CNKSR2: variants seen among roughly 807,000 people sequenced by gnomAD.
The protein encoded by CNKSR2 is CNK homolog protein 2.
A neutral mutation model predicts 84.4 loss-of-function variants in CNKSR2; 14 were observed. The ratio of observed to expected loss-of-function variants is 0.17; its 90% confidence interval spans 0.11 to 0.26. The LOEUF (loss-of-function observed/expected upper bound fraction) is 0.26. CNKSR2 is among the 10% of genes least tolerant of loss of function. CNKSR2 has a pLI of 1.00. For synonymous variants in CNKSR2, 275 were observed against 277.9 expected, an observed-to-expected ratio of 0.99 and a Z score of 0.10; for missense variants, 485 against 771.2, an observed-to-expected ratio of 0.63 and a Z score of 4.40.
chrX:21,481,686 CTTTAAAACAAGA>C (rs775163627), intron 5 of CNKSR2, among the ~76,000 whole-genome samples: 1 of 111,604 alleles, frequency 9.0e-6, no homozygotes, highest in East Asian at 2.8e-4. Flanking sequence ...CATGTGAGCC[CTTTAAAACAAGA>C]TTCAAAGGAG....
chrX:21,439,331 C>G (rs1349442782), intron 3 of CNKSR2, among the ~76,000 whole-genome samples: 1 of 110,979 alleles, frequency 9.0e-6, no homozygotes, highest in Non-Finnish European at 1.9e-5. Context: ...AAGACCAAAT[C>G]ATAATTTGTG....
intron 1 of CNKSR2, among the ~76,000 whole-genome samples, chrX:21,416,678 G>T (rs980048371): frequency 3.1e-4 from 34 of 111,182 alleles, no homozygotes; most frequent in African/African-American, 1.0e-3. Flanking sequence ...TTTTTGTCTA[G>T]AAATTTGCTC....
At chrX:21,416,219 A>T (rs891535019) in intron 1 of CNKSR2, among the ~76,000 whole-genome samples, 4 of 111,951 alleles carry the variant, frequency 3.6e-5, no homozygotes, top group Non-Finnish European at 7.5e-5. Context: ...TTTGTTCGTT[A>T]TTCTGTAGAT....
chrX:21,641,678 A>G (rs1423932795), intron 20 of CNKSR2: 8 of 1,109,968 alleles, frequency 7.2e-6, no homozygotes, highest in East Asian at 3.4e-5. Flanking sequence ...CAGACTCAAC[A>G]TCAACCTCTT....
intron 13 of CNKSR2, among the ~76,000 whole-genome samples, chrX:21,570,511 T>C (rs1000120864): frequency 5.4e-5 from 6 of 111,550 alleles, no homozygotes; most frequent in African/African-American, 2.0e-4. Context: ...CCACTCAAAC[T>C]TTCTCCCTAT....
chrX:21,646,831 G>A (rs1441729254), intron 20 of CNKSR2, among the ~76,000 whole-genome samples: 1 of 111,743 alleles, frequency 8.9e-6, no homozygotes, highest in Non-Finnish European at 1.9e-5. Flanking sequence ...AAAAGAATAC[G>A]ATAACTACTA....
intron 11 of CNKSR2, among the ~76,000 whole-genome samples, chrX:21,550,686 G>A (rs746218507): frequency 1.8e-5 from 2 of 112,211 alleles, no homozygotes; most frequent in East Asian, 5.6e-4. Flanking sequence ...ATCAATGATA[G>A]ACTGGATAAA....
intron 11 of CNKSR2, among the ~76,000 whole-genome samples, chrX:21,546,895 T>C (rs137966326): frequency 0.013 from 1,433 of 111,645 alleles, 26 homozygotes; most frequent in African/African-American, 0.044. Flanking sequence ...ATTTTGTCAC[T>C]ACCAGGCCTG....
At chrX:21,550,495 G>A (rs2092076892) in intron 11 of CNKSR2, among the ~76,000 whole-genome samples, 1 of 112,208 alleles carries the variant, frequency 8.9e-6, no homozygotes, top group Non-Finnish European at 1.9e-5. Context: ...CAACCATTGT[G>A]GAAGACAGTG....
intron 8 of CNKSR2, chrX:21,506,111 G>T (rs182373212): frequency 1.8e-5 from 2 of 111,106 alleles, no homozygotes; most frequent in African/African-American, 6.5e-5. Context: ...AGTGTTTCTG[G>T]TGTACCCCAC....
Position 21,635,378 on chromosome X carries a change from ATGTGTG to A in CNKSR2, c.2693-13427_2693-13422del, listed in dbSNP as rs74314224. ...CAGTCTGAAATTTGATCTAAAATAA[ATGTGTG>A]TGTGTGTGTGTGTGTGTGTGTGTGT... On this transcript the variant is annotated intron_variant, in intron 20 of 21. Transcript: ENST00000379510. 7.6e-3 allele frequency among the ~76,000 whole-genome samples: 718 copies of A among 94,704 alleles called. 4 individuals are homozygous for A. The highest frequency in any genetic ancestry group is 0.02 in the African/African-American group (509 of 25,442). 82.2% of individuals were successfully genotyped at this position (94,704 alleles called of 115,157 possible).
intron 8 of CNKSR2, among the ~76,000 whole-genome samples, chrX:21,515,966 C>T (rs1363369538): frequency 9.0e-6 from 1 of 111,371 alleles, no homozygotes; most frequent in Non-Finnish European, 1.9e-5. Context: ...ATTGTCCATG[C>T]GTAAGAATGT....
intron 20 of CNKSR2, among the ~76,000 whole-genome samples, chrX:21,615,853 C>T (rs1029455971): frequency 9.0e-6 from 1 of 111,138 alleles, no homozygotes; most frequent in African/African-American, 3.3e-5. Flanking sequence ...TTTTGTAGGT[C>T]AAAATGATGA....
intron 5 of CNKSR2, among the ~76,000 whole-genome samples, chrX:21,478,591 A>G (rs2091283406): frequency 8.9e-6 from 1 of 112,139 alleles, no homozygotes; most frequent in Admixed American, 9.5e-5. Flanking sequence ...TGAAAGTACA[A>G]TTCTTGTCCT....
chrX:21,569,500 G>A (rs1197306412), intron 13 of CNKSR2, among the ~76,000 whole-genome samples: 2 of 111,736 alleles, frequency 1.8e-5, no homozygotes, highest in Non-Finnish European at 3.8e-5. Flanking sequence ...CATTTGCAGT[G>A]ACTTCCTCCA....
chrX:21,479,168 C>T (rs1308162068), intron 5 of CNKSR2, among the ~76,000 whole-genome samples: 5 of 111,479 alleles, frequency 4.5e-5, no homozygotes, highest in African/African-American at 6.5e-5. Flanking sequence ...TGGTATTTGA[C>T]TTTCTGTTTC....
intron 13 of CNKSR2, among the ~76,000 whole-genome samples, chrX:21,573,917 TG>T (rs1164034244): frequency 8.9e-6 from 1 of 111,983 alleles, no homozygotes; most frequent in African/African-American, 3.2e-5. Flanking sequence ...TCTTTTCTAC[TG>T]CATTGTCAGG....
chrX:21,590,233 A>T (rs1393068132), intron 13 of CNKSR2, among the ~76,000 whole-genome samples: 1 of 111,822 alleles, frequency 8.9e-6, no homozygotes. Flanking sequence ...ATTTTGTGAG[A>T]CTCAAATGAG....
chrX:21,428,650 A>C (rs1689918023), intron 2 of CNKSR2: 1 of 111,413 alleles, frequency 9.0e-6, no homozygotes, highest in Non-Finnish European at 1.9e-5. Context: ...TATATAGCTT[A>C]ACGTATGGTC....
Sources: gnomAD v4.1 joint callset for allele counts (sites outside exome capture counted in the v4.1 genomes callset) on GRCh38, gnomAD v4.1.1 for gene constraint, MANE v1.5 for transcripts, NCBI Gene and HGNC (gene_info 2026-07-23, HGNC 2026-07-21) for gene names.